The following RGS7 variants were observed in gnomAD, a reference collection of about 807,000 sequenced individuals.
RGS7 encodes regulator of G protein signaling 7.
RGS7 carries 27 observed loss-of-function variants against 81.1 expected under a neutral mutation model. The ratio of observed to expected loss-of-function variants is 0.33; its 90% CI spans 0.25 to 0.46. The LOEUF is 0.46. Ranked by LOEUF, RGS7 falls within the 20% of genes least tolerant of loss-of-function variation. RGS7 has a pLI of 1.00. For synonymous variants in RGS7, 208 were observed against 207.7 expected, an observed-to-expected ratio of 1.00 and a Z score of -0.01; for missense variants, 396 against 607.4, an observed-to-expected ratio of 0.65 and a Z score of 3.66.
rs992289246 is a variant in RGS7, at chr1:241,355,863, T to C, written c.-50-37A>G. ...CAGAGAGACTTCAGTGAGATCCCAG[T>C]GGGACTCCCCTGATTCATCATCATC... On this transcript the variant is annotated intron_variant, in intron 1 of 18. Transcript: ENST00000440928. 6.5e-6 allele frequency: 7 copies of C among 1,076,732 alleles called. No homozygotes were observed. In the East Asian group the frequency reaches 1.4e-4, roughly 22 times the overall value. The allele number at this position is 1,076,732 out of a possible 1,614,324, so 66.7% of individuals were successfully genotyped here.
intron 6 of RGS7, among the ~76,000 whole-genome samples, chr1:240,874,478 T>C (rs572484504): frequency 6.6e-5 from 10 of 152,272 alleles, no homozygotes; most frequent in Middle Eastern, 6.8e-3. Context: ...TTTATTATAT[T>C]TGATGGAGAT....
intron 4 of RGS7, among the ~76,000 whole-genome samples, chr1:240,982,147 A>G (rs1272074685): frequency 6.7e-6 from 1 of 149,894 alleles, no homozygotes; most frequent in Non-Finnish European, 1.5e-5. Flanking sequence ...GTAGCTGGGC[A>G]TGGTGGCTCA....
At chr1:241,349,425 T>C (rs1017873209) in intron 2 of RGS7, among the ~76,000 whole-genome samples, 3 of 152,210 alleles carry the variant, frequency 2.0e-5, no homozygotes, top group Non-Finnish European at 2.9e-5. Context: ...AAAACAACAA[T>C]GTATCTTTCC....
At chr1:240,816,467 A>C in intron 10 of RGS7, 52 bp from the exon 11 acceptor site, 1 of 1,184,434 alleles carries the variant, frequency 8.4e-7, no homozygotes, top group South Asian at 1.2e-5. Context: ...GTTTACAGTC[A>C]CAGACTTTCT....
At chr1:241,083,834 C>A (rs1380857435) in intron 3 of RGS7, among the ~76,000 whole-genome samples, 2 of 152,098 alleles carry the variant, frequency 1.3e-5, no homozygotes, top group African/African-American at 4.8e-5. Flanking sequence ...CAATCTATTT[C>A]TCTCTTAATT....
intron 3 of RGS7, among the ~76,000 whole-genome samples, chr1:240,985,844 CT>C (rs1685576440): frequency 6.6e-6 from 1 of 151,884 alleles, no homozygotes; most frequent in Non-Finnish European, 1.5e-5. Flanking sequence ...AAACGTGCTC[CT>C]ATAGAGTCAT....
intron 2 of RGS7, among the ~76,000 whole-genome samples, chr1:241,275,349 T>A (rs1185554232): frequency 6.6e-6 from 1 of 152,198 alleles, no homozygotes; most frequent in African/African-American, 2.4e-5. Flanking sequence ...GGAAAGGTAA[T>A]ATTTAGTAGG....
chr1:241,237,397 T>G (rs2076037300), intron 2 of RGS7, among the ~76,000 whole-genome samples: 1 of 152,166 alleles, frequency 6.6e-6, no homozygotes. Flanking sequence ...CTTTGTGCAC[T>G]GGACCATATA....
chr1:241,076,224 G>A (rs755436478), intron 3 of RGS7, among the ~76,000 whole-genome samples: 3 of 151,974 alleles, frequency 2.0e-5, no homozygotes, highest in Non-Finnish European at 4.4e-5. Context: ...CTTCTAGGTT[G>A]CTATCCATTT....
intron 2 of RGS7, among the ~76,000 whole-genome samples, chr1:241,339,614 C>A (rs1427712490): frequency 2.6e-5 from 4 of 152,096 alleles, no homozygotes; most frequent in Non-Finnish European, 4.4e-5. Flanking sequence ...GTATGGTGAC[C>A]CTGTAATCAT....
chr1:241,205,655 T>C (rs1042244801), intron 2 of RGS7, among the ~76,000 whole-genome samples: 8 of 151,658 alleles, frequency 5.3e-5, no homozygotes, highest in African/African-American at 1.9e-4. Context: ...GAGACAGAGT[T>C]TCACCATCTT....
chr1:241,230,765 A>G (rs1186948692), intron 2 of RGS7, among the ~76,000 whole-genome samples: 1 of 152,220 alleles, frequency 6.6e-6, no homozygotes, highest in East Asian at 1.9e-4. Context: ...GTACAGCTGC[A>G]GTCTTAGGTG....
chr1:241,193,554 C>A (rs1022510985), intron 2 of RGS7, among the ~76,000 whole-genome samples: 1 of 152,178 alleles, frequency 6.6e-6, no homozygotes, highest in African/African-American at 2.4e-5. Context: ...TGTTTAGTTG[C>A]TTAACATATG....
chr1:241,002,970 C>T (rs956507628), intron 3 of RGS7, among the ~76,000 whole-genome samples: 5 of 152,160 alleles, frequency 3.3e-5, no homozygotes, highest in Admixed American at 1.3e-4. Context: ...CAAGAGTTTT[C>T]ATACACTTGT....
At chr1:241,207,061 C>T (rs566611612) in intron 2 of RGS7, among the ~76,000 whole-genome samples, 6 of 146,104 alleles carry the variant, frequency 4.1e-5, no homozygotes, top group East Asian at 2.0e-4. Context: ...CTCCGCCTCC[C>T]GGGTTCACGC....
chr1:241,081,155 T>C (rs1014558213), intron 3 of RGS7, among the ~76,000 whole-genome samples: 7 of 152,172 alleles, frequency 4.6e-5, no homozygotes, highest in African/African-American at 1.7e-4. Context: ...CACCTTTGCA[T>C]TATTTTTCAT....
At chr1:241,195,225 C>T (rs2072977056) in intron 2 of RGS7, among the ~76,000 whole-genome samples, 1 of 152,104 alleles carries the variant, frequency 6.6e-6, no homozygotes, top group Non-Finnish European at 1.5e-5. Context: ...CCTGTAATGC[C>T]AGCACTTTGG....
chr1:241,041,638 G>A (rs1164359046), intron 3 of RGS7, among the ~76,000 whole-genome samples: 1 of 152,134 alleles, frequency 6.6e-6, no homozygotes, highest in East Asian at 1.9e-4. Context: ...CCATGCAGAT[G>A]TTGTCTGCAG....
At position 240,857,595 on chromosome 1, in the gene RGS7, C is replaced by A. The variant is rs536514244; in HGVS notation, c.609+10992G>T. On this transcript the variant is annotated intron_variant, in intron 9 of 18. Coordinates refer to ENST00000440928, the MANE Select transcript of RGS7 (RefSeq NM_001364886.1). ...CTTTTTCCTGTCTCTGTGGTTTTGC[C>A]TTTTCCACAATGTCATAGAGTTGGA... is the stretch of plus-strand genomic sequence containing the variant. Among the ~76,000 whole-genome samples, 38 of 152,170 alleles carry A rather than the reference C, an allele frequency of 2.5e-4. 1 individual carries two copies. The highest frequency in any genetic ancestry group is 4.6e-4 in the Non-Finnish European group (31 of 68,008).
Sources: allele counts gnomAD v4.1 joint callset (sites outside exome capture counted in the v4.1 genomes callset), GRCh38; gene constraint gnomAD v4.1.1; transcripts MANE v1.5; gene names NCBI Gene and HGNC (gene_info 2026-07-23, HGNC 2026-07-21).